Variants in SGCD observed in about 807,000 individuals in gnomAD.
SGCD encodes the protein delta-sarcoglycan.
Under a neutral mutation model 36.6 loss-of-function variants are expected in SGCD, and 18 were observed. The ratio of observed to expected loss-of-function variants is 0.49; its 90% confidence interval spans 0.34 to 0.73. The LOEUF (loss-of-function observed/expected upper bound fraction) is 0.73. SGCD is among the 30% of genes least tolerant of loss of function. The pLI is 0.01. For synonymous variants in SGCD, 133 were observed against 130.6 expected, an observed-to-expected ratio of 1.02 and a Z score of -0.12; for missense variants, 387 against 346.7, an observed-to-expected ratio of 1.12 and a Z score of -0.92.
chr5:156,526,514 T>C (rs1209539759), intron 4 of SGCD, among the ~76,000 whole-genome samples: 1 of 152,296 alleles, frequency 6.6e-6, no homozygotes, highest in East Asian at 1.9e-4. Context: ...AGAAGTTAAC[T>C]GGACCATGAA....
chr5:156,556,339 T>A (rs1468888294), intron 4 of SGCD, among the ~76,000 whole-genome samples: 1 of 152,154 alleles, frequency 6.6e-6, no homozygotes, highest in Non-Finnish European at 1.5e-5. Context: ...GGTCTTTTTC[T>A]AGAAATCTTT....
At chr5:156,606,233 G>A (rs1237827300) in intron 6 of SGCD, among the ~76,000 whole-genome samples, 1 of 152,184 alleles carries the variant, frequency 6.6e-6, no homozygotes, top group Non-Finnish European at 1.5e-5. Context: ...TAAGGTCTAA[G>A]GAAGGGATCC....
intron 3 of SGCD, among the ~76,000 whole-genome samples, chr5:156,265,623 T>G (rs1765978504): frequency 6.6e-6 from 1 of 150,916 alleles, no homozygotes. Flanking sequence ...ATTATTATAA[T>G]TTAATAATAT....
chr5:155,959,590 G>A (rs1021352094), intron 1 of SGCD, among the ~76,000 whole-genome samples: 1 of 152,070 alleles, frequency 6.6e-6, no homozygotes, highest in Non-Finnish European at 1.5e-5. Flanking sequence ...ATTTTGGTGA[G>A]ATGCCTTTAA....
the SGCD span, among the ~76,000 whole-genome samples, chr5:155,825,120 C>G: frequency 6.6e-6 from 1 of 152,226 alleles, no homozygotes; most frequent in Middle Eastern, 3.4e-3. Context: ...ATTCTAGTGG[C>G]ACCAAGATCT....
the SGCD span, among the ~76,000 whole-genome samples, chr5:155,842,209 C>T: frequency 1.3e-5 from 2 of 148,262 alleles, no homozygotes; most frequent in African/African-American, 5.0e-5. Flanking sequence ...TGAGCCAGAA[C>T]AATTCTTTGC....
At chr5:156,381,696 G>A (rs982399996) in intron 3 of SGCD, among the ~76,000 whole-genome samples, 1 of 152,146 alleles carries the variant, frequency 6.6e-6, no homozygotes, top group Non-Finnish European at 1.5e-5. Context: ...TAAAAGCATA[G>A]CATTTTAAAG....
In SGCD at chr5:156,417,983, T is replaced by C. The variant is rs187271742; in HGVS notation, c.192+73306T>C. ...ACTGGATAAAAATATTCAAGATGGT[T>C]TGGGTGACTTTCTTATCCATTGTCT... On this transcript the variant is annotated intron_variant, in intron 3 of 8. Transcript: ENST00000337851. Among the ~76,000 whole-genome samples, 192 of 152,310 alleles carry C rather than the reference T, an allele frequency of 1.3e-3. 1 individual carries two copies. Among genetic ancestry groups the C allele is most frequent in the Admixed American group, 6.4e-3 (98 of 15,296 alleles).
the SGCD span, among the ~76,000 whole-genome samples, chr5:155,780,313 G>A: frequency 2.0e-5 from 3 of 152,132 alleles, no homozygotes; most frequent in Admixed American, 6.5e-5. Context: ...TGAGTAAATT[G>A]TATGTGCTCC....
intron 1 of SGCD, among the ~76,000 whole-genome samples, chr5:155,982,804 T>TA (rs1464841954): frequency 5.9e-5 from 9 of 152,164 alleles, no homozygotes; most frequent in Admixed American, 3.3e-4. Flanking sequence ...TTGGAAATTA[T>TA]GACAGTTCCT....
At chr5:156,459,695 G>A in intron 3 of SGCD, among the ~76,000 whole-genome samples, 1 of 152,126 alleles carries the variant, frequency 6.6e-6, no homozygotes, top group African/African-American at 2.4e-5. Flanking sequence ...TTGAAAATTA[G>A]AAAAGGCCAA....
intron 8 of SGCD, chr5:156,758,088 A>G (rs1757407230): frequency 1.1e-5 from 9 of 823,092 alleles, no homozygotes; most frequent in Non-Finnish European, 1.3e-5. Context: ...ACTTTGTGTC[A>G]CATGTTTCTG....
chr5:155,794,516 A>T, the SGCD span, among the ~76,000 whole-genome samples: 1 of 152,052 alleles, frequency 6.6e-6, no homozygotes, highest in African/African-American at 2.4e-5. Context: ...ACATTGTAGA[A>T]TTAAATAATA....
intron 3 of SGCD, among the ~76,000 whole-genome samples, chr5:156,257,866 A>G (rs1765755629): frequency 6.7e-6 from 1 of 148,210 alleles, no homozygotes. Context: ...TCTGCCTCAA[A>G]CAAACAGACA....
intron 1 of SGCD, among the ~76,000 whole-genome samples, chr5:155,939,035 G>A (rs1184248768): frequency 6.6e-6 from 1 of 152,174 alleles, no homozygotes; most frequent in African/African-American, 2.4e-5. Context: ...ATAGCAGAGA[G>A]TCAATTGGCA....
intron 3 of SGCD, among the ~76,000 whole-genome samples, chr5:156,165,863 C>T (rs1417848150): frequency 1.3e-5 from 2 of 152,144 alleles, no homozygotes; most frequent in Non-Finnish European, 2.9e-5. Flanking sequence ...AAAAAGGAAA[C>T]ATCTTAATTA....
intron 7 of SGCD, among the ~76,000 whole-genome samples, chr5:156,685,702 A>G (rs754490358): frequency 6.6e-6 from 1 of 152,234 alleles, no homozygotes; most frequent in Non-Finnish European, 1.5e-5. Flanking sequence ...GGATATTGTC[A>G]TTTACTTTAG....
At chr5:156,469,372 T>C (rs914659358) in intron 3 of SGCD, among the ~76,000 whole-genome samples, 1 of 152,230 alleles carries the variant, frequency 6.6e-6, no homozygotes, top group African/African-American at 2.4e-5. Flanking sequence ...TGATTGCTTA[T>C]TATGATAATC....
At chr5:156,728,342 G>A (rs181194507) in intron 7 of SGCD, among the ~76,000 whole-genome samples, 45 of 151,632 alleles carry the variant, frequency 3.0e-4, no homozygotes, top group Admixed American at 5.3e-4. Flanking sequence ...GCAAAATCCC[G>A]TCTCTACCAA....
Sources: gnomAD v4.1 joint callset for allele counts (sites outside exome capture counted in the v4.1 genomes callset) on GRCh38, gnomAD v4.1.1 for gene constraint, MANE v1.5 for transcripts, NCBI Gene and HGNC (gene_info 2026-07-23, HGNC 2026-07-21) for gene names.